USP15: variants seen among roughly 807,000 people sequenced by gnomAD.
USP15 encodes ubiquitin carboxyl-terminal hydrolase 15.
In USP15, 18 loss-of-function variants were observed where a neutral mutation model predicts 127.1. The observed-to-expected ratio is 0.14, with a 90% confidence interval of 0.10 to 0.21. The LOEUF is 0.21. Ranked by LOEUF, USP15 falls within the 10% of genes least tolerant of loss-of-function variation. The probability of loss-of-function intolerance (pLI) is 1.00; values close to 1 mark genes in which losing one functional copy is unlikely to be tolerated. For synonymous variants in USP15, 364 were observed against 393.7 expected (o/e 0.92, Z 0.89); for missense variants, 805 against 1,159.9 (o/e 0.69, Z 4.44).
At chr12:62,290,926 A>G (rs898105616) in intron 1 of USP15, among the ~76,000 whole-genome samples, 1 of 151,760 alleles carries the variant, frequency 6.6e-6, no homozygotes, top group African/African-American at 2.4e-5. Flanking sequence ...CTTTAAGCCT[A>G]TTTTGAAAAT....
chr12:62,323,697 A>G (rs921521082), intron 5 of USP15, among the ~76,000 whole-genome samples: 15 of 152,122 alleles, frequency 9.9e-5, no homozygotes, highest in African/African-American at 2.4e-5. Flanking sequence ...GGTAGCTCCA[A>G]AAGTACAATT....
At chr12:62,269,662 C>T (rs866124773) in intron 1 of USP15, among the ~76,000 whole-genome samples, 46 of 152,032 alleles carry the variant, frequency 3.0e-4, no homozygotes, top group African/African-American at 1.0e-3. Flanking sequence ...CTCAAGCACT[C>T]CTCCCACCTT....
intron 6 of USP15, among the ~76,000 whole-genome samples, chr12:62,338,097 G>A (rs1241987686): frequency 6.6e-6 from 1 of 152,138 alleles, no homozygotes; most frequent in African/African-American, 2.4e-5. Flanking sequence ...GGTCCCACCA[G>A]TAGTGTAAAA....
In USP15 at chr12:62,413,738, TTCTC is replaced by T. The variant is rs1240871526; in HGVS notation, c.*9365_*9368del. 1 of 152,192 alleles carries T rather than the reference TTCTC, an allele frequency of 6.6e-6. No homozygotes were observed. The highest frequency in any genetic ancestry group is 1.5e-5 in the Non-Finnish European group (1 of 68,038). 9.4% of individuals were successfully genotyped at this position (152,192 alleles called of 1,614,324 possible). On this transcript the variant is annotated 3_prime_UTR_variant, in exon 22 of 22. Coordinates refer to ENST00000280377, the MANE Select transcript of USP15 (RefSeq NM_001252078.2). ...TATTAAAAAAAAAAAAACTCAGGCT[TTCTC>T]TATACCACTTTTCTTATGATTCATG...
At chr12:62,342,373 A>G (rs2065672556) in intron 6 of USP15, among the ~76,000 whole-genome samples, 1 of 152,018 alleles carries the variant, frequency 6.6e-6, no homozygotes, top group Non-Finnish European at 1.5e-5. Context: ...TTTAGCTCAG[A>G]GGAGTTTGTT....
At chr12:62,261,007 C>G (rs1338896465) in intron 1 of USP15, among the ~76,000 whole-genome samples, 1 of 152,092 alleles carries the variant, frequency 6.6e-6, no homozygotes, top group Non-Finnish European at 1.5e-5. Flanking sequence ...GCGGTCTGTA[C>G]TACACAGGTG....
At chr12:62,387,106 A>G (rs940120898) in intron 11 of USP15, among the ~76,000 whole-genome samples, 5 of 152,196 alleles carry the variant, frequency 3.3e-5, no homozygotes, top group East Asian at 1.9e-4. Context: ...TGTGTTTAGT[A>G]TTGGATATGC....
chr12:62,310,161 TAA>T (rs1371488976), intron 3 of USP15, among the ~76,000 whole-genome samples: 1 of 151,914 alleles, frequency 6.6e-6, no homozygotes, highest in Non-Finnish European at 1.5e-5. Context: ...TGGCAACAAA[TAA>T]AGTTTATTTT....
chr12:62,415,429 G>GACCACATATCTGGGCACCCTGTGGCC lies in USP15; in HGVS notation c.*11055_*11080dup, dbSNP rs2137727074. 1 of 152,278 alleles carries GACCACATATCTGGGCACCCTGTGGCC rather than the reference G, an allele frequency of 6.6e-6. No homozygotes were observed. Among genetic ancestry groups the GACCACATATCTGGGCACCCTGTGGCC allele is most frequent in the East Asian group, 1.9e-4 (1 of 5,174 alleles). 9.4% of individuals were successfully genotyped at this position (152,278 alleles called of 1,614,324 possible). On this transcript the variant is annotated 3_prime_UTR_variant, in exon 22 of 22. Transcript: ENST00000280377. ...CATAGATATGCCCAGAATAATGTTTGACCACATATCTGGGCACCCTGTGGC... is the reference window on the plus strand; with the variant it reads ...CATAGATATGCCCAGAATAATGTTTGACCACATATCTGGGCACCCTGTGGCCACCACATATCTGGGCACCCTGTGGC...
chr12:62,264,130 A>G (rs1230985324), intron 1 of USP15, among the ~76,000 whole-genome samples: 2 of 152,130 alleles, frequency 1.3e-5, no homozygotes, highest in Non-Finnish European at 2.9e-5. Context: ...GCCTGCAGGC[A>G]CATGCCACCA....
At chr12:62,340,109 C>T (rs1160965318) in intron 6 of USP15, among the ~76,000 whole-genome samples, 1 of 152,080 alleles carries the variant, frequency 6.6e-6, no homozygotes, top group East Asian at 1.9e-4. Flanking sequence ...CTGGTTTAGT[C>T]TGGGGAGGGT....
chr12:62,322,272 C>T (rs1180742624), intron 5 of USP15, among the ~76,000 whole-genome samples: 1 of 152,040 alleles, frequency 6.6e-6, no homozygotes, highest in Non-Finnish European at 1.5e-5. Context: ...GGACTGCAGA[C>T]ATGTGCCACC....
intron 11 of USP15, among the ~76,000 whole-genome samples, chr12:62,385,657 G>T (rs564609670): frequency 2.6e-5 from 4 of 151,946 alleles, no homozygotes; most frequent in Non-Finnish European, 4.4e-5. Context: ...CTTTTGGCCT[G>T]GGGAATATGT....
chr12:62,384,985 A>G (rs1334665030), intron 11 of USP15, among the ~76,000 whole-genome samples: 3 of 151,796 alleles, frequency 2.0e-5, no homozygotes, highest in African/African-American at 7.2e-5. Context: ...CTCTTCTGAC[A>G]CTTGACCCAT....
intron 2 of USP15, among the ~76,000 whole-genome samples, chr12:62,298,929 G>A (rs2064217385): frequency 6.7e-6 from 1 of 149,614 alleles, no homozygotes; most frequent in African/African-American, 2.5e-5. Context: ...GAAGCCCAAA[G>A]AGTTGAACAA....
chr12:62,377,976 G>A (rs769258243), intron 8 of USP15, among the ~76,000 whole-genome samples: 3 of 152,020 alleles, frequency 2.0e-5, no homozygotes, highest in Non-Finnish European at 2.9e-5. Context: ...GGAAGCCAAG[G>A]CGGGCAGATC....
At chr12:62,353,920 A>G (rs1259213079) in intron 7 of USP15, among the ~76,000 whole-genome samples, 1 of 151,994 alleles carries the variant, frequency 6.6e-6, no homozygotes. Flanking sequence ...AGCAATTCCG[A>G]ATTTGAATTG....
intron 1 of USP15, among the ~76,000 whole-genome samples, chr12:62,273,297 C>T (rs11614866): frequency 0.077 from 11,682 of 152,016 alleles, 579 homozygotes; most frequent in Middle Eastern, 0.16. Flanking sequence ...GCTCCCTGTA[C>T]GTTTACTTCA....
chr12:62,302,504 A>G (rs1203848991), intron 2 of USP15, among the ~76,000 whole-genome samples: 3 of 152,218 alleles, frequency 2.0e-5, no homozygotes, highest in Non-Finnish European at 4.4e-5. Flanking sequence ...CATGCGGCCC[A>G]GGATGGCTTT....
Sources: gnomAD v4.1 joint callset for allele counts (sites outside exome capture counted in the v4.1 genomes callset) on GRCh38, gnomAD v4.1.1 for gene constraint, MANE v1.5 for transcripts, NCBI Gene and HGNC (gene_info 2026-07-23, HGNC 2026-07-21) for gene names.